Variants in FSD2 observed in about 807,000 individuals in gnomAD.
The protein encoded by FSD2 is fibronectin type III and SPRY domain containing 2, also known as fibronectin type III and SPRY domain-containing protein 2.
Under a neutral mutation model 80.4 loss-of-function variants are expected in FSD2, and 71 were observed. That is an observed-to-expected ratio of 0.88 (90% CI 0.73 to 1.08). The LOEUF is 1.08. Among genes scored for constraint, FSD2 ranks in the 50% least tolerant of loss-of-function variants. FSD2 has a pLI of 0.00. For missense variants in FSD2, 923 were observed against 913.8 expected, an observed-to-expected ratio of 1.01 and a Z score of -0.13; for synonymous variants, 361 against 329.5, an observed-to-expected ratio of 1.10 and a Z score of -1.03.
chr15:82,793,419 T>C (rs1358991051), intron 1 of FSD2, among the ~76,000 whole-genome samples: 2 of 152,210 alleles, frequency 1.3e-5, no homozygotes, highest in Non-Finnish European at 2.9e-5. Flanking sequence ...AACTTATACA[T>C]GTATTGTCAA....
intron 1 of FSD2, among the ~76,000 whole-genome samples, chr15:82,792,639 A>G (rs960727223): frequency 3.3e-5 from 5 of 151,782 alleles, no homozygotes; most frequent in African/African-American, 9.7e-5. Flanking sequence ...TAGTTTATCT[A>G]TTTTTTTTGT....
intron 4 of FSD2, among the ~76,000 whole-genome samples, chr15:82,782,066 A>AATAATAATAATAATAATAATG (rs1325154159): frequency 2.8e-4 from 3 of 10,702 alleles, no homozygotes; most frequent in African/African-American, 1.2e-3. Context: ...TCCATCTCAA[A>AATAATAATAATAATAATAATG]ATAATAATAA....
chr15:82,786,568 C>T lies in FSD2; in HGVS notation c.678G>A (p.Gln226=). 1 of 1,613,602 alleles carries T rather than the reference C, an allele frequency of 6.2e-7. No homozygotes were observed. The highest frequency in any genetic ancestry group is 8.5e-7 in the Non-Finnish European group (1 of 1,179,646). Residue 226 remains glutamine, a synonymous_variant, in exon 3 of 13, where the codon CAG becomes CAA. Transcript: ENST00000334574. Reference sequence around the variant, plus strand: ...TTGCAAAGTTTTCCATCTCAATTATCTGCTTTTCCAATTTGTACATGTTTT... The same window carrying T: ...TTGCAAAGTTTTCCATCTCAATTATTTGCTTTTCCAATTTGTACATGTTTT... ...IHKNMYKLEK[Q]IIEMENFANH...
chr15:82,787,720 TA>T (rs34763650), intron 1 of FSD2, among the ~76,000 whole-genome samples: 24,602 of 148,946 alleles, frequency 0.17, 2,290 homozygotes, highest in South Asian at 0.35. Context: ...CCTCATACAT[TA>T]AAAAAAAAAC....
At chr15:82,771,673 T>G (rs1271555261) in intron 7 of FSD2, among the ~76,000 whole-genome samples, 1 of 152,194 alleles carries the variant, frequency 6.6e-6, no homozygotes, top group African/African-American at 2.4e-5. Flanking sequence ...ATCCTCCAGT[T>G]TCTTCTGCAG....
At chr15:82,802,330 T>G (rs951429642) in intron 1 of FSD2, among the ~76,000 whole-genome samples, 1 of 152,148 alleles carries the variant, frequency 6.6e-6, no homozygotes, top group Non-Finnish European at 1.5e-5. Flanking sequence ...CATGTTTCCC[T>G]CCGATGGTTC....
chr15:82,793,604 G>A (rs1048552584), intron 1 of FSD2, among the ~76,000 whole-genome samples: 3 of 152,104 alleles, frequency 2.0e-5, no homozygotes, highest in Admixed American at 2.0e-4. Context: ...TCAAAATATA[G>A]CGTAAGTAGC....
intron 1 of FSD2, among the ~76,000 whole-genome samples, chr15:82,799,762 C>T (rs965413155): frequency 3.3e-5 from 5 of 152,212 alleles, no homozygotes; most frequent in Admixed American, 6.5e-5. Flanking sequence ...CCTGCACACA[C>T]GTCGCCTTGG....
chr15:82,790,440 T>C (rs973800106), intron 1 of FSD2, among the ~76,000 whole-genome samples: 1 of 152,194 alleles, frequency 6.6e-6, no homozygotes, highest in Non-Finnish European at 1.5e-5. Context: ...GTATTTCCTC[T>C]AATAAAATTA....
At chr15:82,803,912 A>C (rs1752521920) in intron 1 of FSD2, among the ~76,000 whole-genome samples, 1 of 152,166 alleles carries the variant, frequency 6.6e-6, no homozygotes, top group Admixed American at 6.5e-5. Context: ...GCCTAACTTT[A>C]ATGGACTATA....
At chr15:82,773,774 G>A (rs146337207) in intron 6 of FSD2, among the ~76,000 whole-genome samples, 4 of 152,242 alleles carry the variant, frequency 2.6e-5, no homozygotes, top group African/African-American at 9.6e-5. Flanking sequence ...AAACACCCCA[G>A]TATCCAACAA....
intron 9 of FSD2, 120 bp downstream of exon 9, chr15:82,768,760 A>G (rs767959785): frequency 1.9e-5 from 19 of 990,612 alleles, no homozygotes; most frequent in Non-Finnish European, 2.4e-5. Flanking sequence ...GCAACCAAAA[A>G]TTGAGATTCC....
chr15:82,788,738 G>T (rs897956304), intron 1 of FSD2, among the ~76,000 whole-genome samples: 1 of 152,018 alleles, frequency 6.6e-6, no homozygotes, highest in Non-Finnish European at 1.5e-5. Context: ...TTTCAGCAGG[G>T]TGTGGTGACT....
intron 2 of FSD2, 40 bp from the exon 3 acceptor site, chr15:82,786,646 A>G: frequency 6.2e-7 from 1 of 1,605,412 alleles, no homozygotes; most frequent in Non-Finnish European, 8.5e-7. Flanking sequence ...TTAATGTTAC[A>G]TCTTCTCTCA....
At position 82,782,999 on chromosome 15, in the gene FSD2, G is replaced by C; in HGVS notation, c.762C>G (p.Asn254Lys). 1 of 1,612,136 alleles carries C rather than the reference G, an allele frequency of 6.2e-7. No individual in the cohort carries two copies. The highest frequency in any genetic ancestry group is 8.5e-7 in the Non-Finnish European group (1 of 1,179,490). Residue 254 changes from asparagine to lysine, a missense_variant, in exon 4 of 13, where the codon AAC becomes AAG. Transcript: ENST00000334574. ...VEENFGKQEQ[N>K]FESHYNEILE... Reference sequence around the variant, plus strand: ...AGATCTCGTTGTAATGTGACTCAAAGTTTTGTTCTTGTTTTCCAAAATTCT... The same window carrying C: ...AGATCTCGTTGTAATGTGACTCAAACTTTTGTTCTTGTTTTCCAAAATTCT...
chr15:82,774,019 T>C (rs2049652674), intron 6 of FSD2, among the ~76,000 whole-genome samples: 1 of 152,164 alleles, frequency 6.6e-6, no homozygotes, highest in African/African-American at 2.4e-5. Flanking sequence ...AGCAAGCAGT[T>C]GAAAAATGAG....
intron 5 of FSD2, among the ~76,000 whole-genome samples, chr15:82,779,986 G>A (rs367932095): frequency 6.6e-6 from 1 of 152,006 alleles, no homozygotes; most frequent in Non-Finnish European, 1.5e-5. Context: ...TGAAATGAGG[G>A]GCTTGTGGAG....
chr15:82,787,479 A>G lies in FSD2; in HGVS notation c.-78-11T>C. 7.7e-7 allele frequency: 1 copy of G among 1,294,234 alleles called. No individual in the cohort carries two copies. Among genetic ancestry groups the G allele is most frequent in the Non-Finnish European group, 1.1e-6 (1 of 940,822 alleles). 80.2% of individuals were successfully genotyped at this position (1,294,234 alleles called of 1,614,324 possible). A position where few individuals can be genotyped will look rare whatever the true frequency, so the allele number is the denominator to read the frequency against. On this transcript the variant is annotated splice_polypyrimidine_tract_variant and intron_variant, in intron 1 of 12. Transcript: ENST00000334574. ...GTGAATATCTGGGCCCTGGAACACA[A>G]AAGGAGGAGGAAAATCATTTCTGGA...
intron 1 of FSD2, among the ~76,000 whole-genome samples, chr15:82,801,980 G>A (rs1297689746): frequency 6.6e-6 from 1 of 152,170 alleles, no homozygotes; most frequent in Non-Finnish European, 1.5e-5. Context: ...CCAGGCACCA[G>A]GGCCAGTGTT....
Sources: gnomAD v4.1 joint callset for allele counts (sites outside exome capture counted in the v4.1 genomes callset) on GRCh38, gnomAD v4.1.1 for gene constraint, MANE v1.5 for transcripts, NCBI Gene and HGNC (gene_info 2026-07-23, HGNC 2026-07-21) for gene names.